TEX11: variants seen among roughly 807,000 people sequenced by gnomAD.
The protein encoded by TEX11 is testis-expressed protein 11.
A neutral mutation model predicts 84.4 loss-of-function variants in TEX11; 7 were observed. The observed-to-expected ratio is 0.08, with a 90% confidence interval of 0.05 to 0.16. The LOEUF (loss-of-function observed/expected upper bound fraction) is 0.16. Ranked by LOEUF, TEX11 falls within the 10% of genes least tolerant of loss-of-function variation. TEX11 has a pLI of 1.00. For missense variants in TEX11, 551 were observed against 660.5 expected (o/e 0.83, Z 1.82); for synonymous variants, 264 against 222.8 (o/e 1.18, Z -1.64).
intron 9 of TEX11, among the ~76,000 whole-genome samples, chrX:70,780,432 A>G (rs113112359): frequency 0.019 from 2,146 of 112,741 alleles, 24 homozygotes; most frequent in Non-Finnish European, 0.031. Flanking sequence ...GCTGAGGTAC[A>G]TGGTTCATCT....
intron 15 of TEX11, among the ~76,000 whole-genome samples, chrX:70,675,566 CCT>C (rs780619543): frequency 8.8e-5 from 9 of 102,782 alleles, no homozygotes; most frequent in African/African-American, 1.1e-4. Flanking sequence ...CTTTTCTTTT[CCT>C]CTCTCTCTCT....
chrX:70,514,582 G>C, the TEX11 span, among the ~76,000 whole-genome samples: 35 of 87,637 alleles, frequency 4.0e-4, no homozygotes, highest in Non-Finnish European at 6.0e-4. Flanking sequence ...TGTCAGAGCC[G>C]AGACTCCATC....
intron 8 of TEX11, among the ~76,000 whole-genome samples, chrX:70,811,171 C>T (rs956051448): frequency 9.1e-5 from 10 of 109,559 alleles, no homozygotes; most frequent in Non-Finnish European, 1.9e-4. Flanking sequence ...GCGATCCCTC[C>T]CCCCTGCCCC....
intron 2 of TEX11, among the ~76,000 whole-genome samples, chrX:70,888,630 T>C (rs1392050650): frequency 9.0e-6 from 1 of 110,903 alleles, no homozygotes; most frequent in African/African-American, 3.3e-5. Context: ...GCCTTAAAGA[T>C]GAGGAAGAGA....
At chrX:70,676,830 C>G (rs1052588054) in intron 15 of TEX11, among the ~76,000 whole-genome samples, 15 of 111,591 alleles carry the variant, frequency 1.3e-4, no homozygotes, top group African/African-American at 4.9e-4. Context: ...TCAAATTCAT[C>G]AGTCTTTTCT....
intron 9 of TEX11, among the ~76,000 whole-genome samples, chrX:70,747,022 G>C (rs749011177): frequency 1.8e-5 from 2 of 112,130 alleles, no homozygotes; most frequent in Non-Finnish European, 3.8e-5. Flanking sequence ...CAACTGAAAG[G>C]TAAGCTAAGA....
At chrX:70,567,587 A>G (rs1432997372) in intron 25 of TEX11, among the ~76,000 whole-genome samples, 2 of 110,430 alleles carry the variant, frequency 1.8e-5, no homozygotes, top group African/African-American at 6.6e-5. Flanking sequence ...TGCATCCCAG[A>G]GATTCTGGTA....
chrX:70,699,102 G>A (rs1188615821), intron 13 of TEX11, among the ~76,000 whole-genome samples: 1 of 111,519 alleles, frequency 9.0e-6, no homozygotes, highest in East Asian at 2.8e-4. Context: ...CTACCCTGAG[G>A]ATGTAACACT....
At chrX:70,643,815 A>T (rs1603185784) in intron 17 of TEX11, among the ~76,000 whole-genome samples, 1 of 109,688 alleles carries the variant, frequency 9.1e-6, no homozygotes, top group African/African-American at 3.3e-5. Context: ...AACCATAAAA[A>T]CCCTAGAAGA....
intron 8 of TEX11, among the ~76,000 whole-genome samples, chrX:70,812,873 T>G (rs1024828780): frequency 2.7e-5 from 3 of 111,249 alleles, no homozygotes; most frequent in African/African-American, 9.8e-5. Context: ...CCTCAACATA[T>G]ACACTCTCCC....
In TEX11 at chrX:70,529,143, G is replaced by C. The variant is rs1310485179; in HGVS notation, c.2730C>G (p.Asn910Lys). The C allele has an allele frequency of 8.3e-7, 1 of 1,210,575 alleles. No homozygotes were observed. ...YSQLVEALSN[N>K]KGPVFHEHGY... Reference sequence around the variant, plus strand: ...CATGTTCATGAAAAACTGGGCCCTTGTTGTTACTCAATGCTTCCACAAGCT... The same window carrying C: ...CATGTTCATGAAAAACTGGGCCCTTCTTGTTACTCAATGCTTCCACAAGCT... Residue 910 changes from asparagine (N) to lysine (K), a missense_variant, in exon 30 of 30, where the codon AAC becomes AAG. Coordinates refer to ENST00000374333, the MANE Select transcript of TEX11 (RefSeq NM_031276.3).
intron 13 of TEX11, among the ~76,000 whole-genome samples, chrX:70,710,111 C>T (rs954681626): frequency 9.2e-6 from 1 of 108,256 alleles, no homozygotes; most frequent in Non-Finnish European, 1.9e-5. Flanking sequence ...ATTAAGCTTA[C>T]CTAATCAGCA....
In TEX11 at chrX:70,907,639, G is replaced by A. The variant is rs775887160; in HGVS notation, c.37+114C>T. ...GAGCCCCTGACCTCGTGATCCGCCC[G>A]CCTCGGCCTCCCAAAGTGCTGAGAT... is the stretch of plus-strand genomic sequence containing the variant. On this transcript the variant is annotated intron_variant, in intron 2 of 29. Transcript: ENST00000374333. The A allele has an allele frequency of 6.3e-4, 344 of 545,697 alleles. 2 individuals are homozygous for A. The highest frequency in any genetic ancestry group is 8.1e-4 in the Non-Finnish European group (261 of 322,272). The allele number at this position is 545,697 out of a possible 1,213,427, so 45.0% of individuals were successfully genotyped here.
intron 9 of TEX11, among the ~76,000 whole-genome samples, chrX:70,783,222 C>G (rs758938496): frequency 6.3e-5 from 7 of 111,584 alleles, no homozygotes; most frequent in East Asian, 2.8e-4. Flanking sequence ...ACCTGCTCCT[C>G]AATGACTACT....
chrX:70,822,821 CAGAG>C (rs1373012557), intron 8 of TEX11, among the ~76,000 whole-genome samples: 1 of 110,977 alleles, frequency 9.0e-6, no homozygotes, highest in Non-Finnish European at 1.9e-5. Context: ...GGAAGCAAGA[CAGAG>C]AGCAGAGGGA....
chrX:70,811,571 T>C (rs1389773872), intron 8 of TEX11, among the ~76,000 whole-genome samples: 1 of 111,538 alleles, frequency 9.0e-6, no homozygotes, highest in African/African-American at 3.3e-5. Context: ...AAATGGTATT[T>C]CTAGTTCAAG....
chrX:70,908,657 A>C lies in TEX11; in HGVS notation c.-25T>G, dbSNP rs1569465219. 9.0e-6 allele frequency: 1 copy of C among 111,697 alleles called. No homozygotes were observed. The highest frequency in any genetic ancestry group is 3.3e-5 in the African/African-American group (1 of 30,610). 9.2% of individuals were successfully genotyped at this position (111,697 alleles called of 1,213,427 possible). A position where few individuals can be genotyped will look rare whatever the true frequency, so the allele number is the denominator to read the frequency against. On this transcript the variant is annotated 5_prime_UTR_variant, in exon 1 of 30. Transcript: ENST00000374333. The stretch of plus-strand genomic sequence containing the variant: ...TCCTGCCCACTAAACCACTCACCTC[A>C]GCCGCAGCCACCAATGCCGCCCTGC...
intron 4 of TEX11, 121 bp from the exon 5 acceptor site, chrX:70,861,057 AG>A: frequency 7.5e-6 from 3 of 400,329 alleles, no homozygotes; most frequent in Non-Finnish European, 1.2e-5. Context: ...AAAATTGTAA[AG>A]GCCTTTTTTT....
chrX:70,624,740 G>A, intron 19 of TEX11, 99 bp downstream of exon 19: 3 of 625,276 alleles, frequency 4.8e-6, no homozygotes, highest in Non-Finnish European at 7.2e-6. Context: ...TTTTATGTAA[G>A]TTTCCTTGAT....
Sources: allele counts gnomAD v4.1 joint callset (sites outside exome capture counted in the v4.1 genomes callset), GRCh38; gene constraint gnomAD v4.1.1; transcripts MANE v1.5; gene names NCBI Gene and HGNC (gene_info 2026-07-23, HGNC 2026-07-21).